The following BET1 variants were observed in gnomAD, a reference collection of about 807,000 sequenced individuals.
BET1 encodes the protein BET1 homolog.
Under a neutral mutation model 13.9 loss-of-function variants are expected in BET1, and 9 were observed. That is an observed-to-expected ratio of 0.65 (90% CI 0.39 to 1.13). The LOEUF is 1.13. Among genes scored for constraint, BET1 ranks in the 50% most tolerant of loss-of-function variants. BET1 has a pLI of 0.01. For synonymous variants in BET1, 39 were observed against 47.3 expected (o/e 0.82, Z 0.72); for missense variants, 127 against 133.6 (o/e 0.95, Z 0.24).
chr7:94,002,458 T>TAA (rs79526205), intron 1 of BET1, among the ~76,000 whole-genome samples: 2 of 128,074 alleles, frequency 1.6e-5, no homozygotes, highest in Non-Finnish European at 3.2e-5. Context: ...AGCTTTTTTT[T>TAA]AAAAAAAAAA....
chr7:93,994,499 G>A (rs1446668833), intron 3 of BET1, 114 bp from the exon 4 acceptor site: 5 of 1,183,922 alleles, frequency 4.2e-6, no homozygotes, highest in Non-Finnish European at 5.7e-6. Flanking sequence ...ACAGTTTTGT[G>A]TTTAATCAAT....
At chr7:93,989,211 A>G (rs1042730316), downstream of BET1, among the ~76,000 whole-genome samples, 4 of 151,750 alleles carry the variant, frequency 2.6e-5, no homozygotes, top group African/African-American at 9.7e-5. Context: ...ACGGGGTTTC[A>G]TCATGTTGGC....
At chr7:93,977,245 G>A (rs1481739705) in intron 4 of BET1, among the ~76,000 whole-genome samples, 3 of 152,072 alleles carry the variant, frequency 2.0e-5, no homozygotes, top group Non-Finnish European at 2.9e-5. Context: ...CAGATTACTT[G>A]AGGCCAGGAG....
intron 1 of BET1, among the ~76,000 whole-genome samples, chr7:94,000,589 C>A (rs1795879369): frequency 6.6e-6 from 1 of 152,022 alleles, no homozygotes; most frequent in Admixed American, 6.5e-5. Flanking sequence ...CTTCAATCGT[C>A]CCAGGTGTGT....
In BET1 at chr7:93,976,045, T is replaced by C. The variant is rs756829143; in HGVS notation, c.291A>G (p.Leu97=). ...ACAAATGCTGAGGAACAGTCAAAAT[T>C]AGCAGAAGTAGGCTTTCACTGCTAC... Residue 97 remains leucine, a synonymous_variant and NMD_transcript_variant, in exon 5 of 7, where the codon CTA becomes CTG. Transcript: ENST00000357520. The C allele has an allele frequency of 8.6e-6, 11 of 1,278,920 alleles. No homozygotes were observed. The South Asian group carries it at 1.4e-4, about 16-fold the overall frequency. The allele number at this position is 1,278,920 out of a possible 1,614,324, so 79.2% of individuals were successfully genotyped here. A position where few individuals can be genotyped will look rare whatever the true frequency, so the allele number is the denominator to read the frequency against.
chr7:93,991,368 A>T (rs1795630340), downstream of BET1, among the ~76,000 whole-genome samples: 1 of 152,166 alleles, frequency 6.6e-6, no homozygotes, highest in Admixed American at 6.5e-5. Flanking sequence ...TAAGTAAGAG[A>T]TTCTCATTTG....
intron 1 of BET1, chr7:93,999,572 A>G: frequency 2.2e-6 from 1 of 463,288 alleles, no homozygotes; most frequent in Non-Finnish European, 4.2e-6. Context: ...AATAGGTACT[A>G]ATACACAAGA....
chr7:93,981,471 A>C (rs1213622625), intron 4 of BET1, among the ~76,000 whole-genome samples: 1 of 152,218 alleles, frequency 6.6e-6, no homozygotes, highest in Non-Finnish European at 1.5e-5. Flanking sequence ...ACTTCCTGAA[A>C]AACAAAGCCT....
chr7:93,997,817 GAATAT>G (rs1269788095), intron 2 of BET1, among the ~76,000 whole-genome samples: 14 of 152,248 alleles, frequency 9.2e-5, no homozygotes, highest in Middle Eastern at 3.4e-3. Context: ...GTGCTATATA[GAATAT>G]AAAGTAAGTA....
intron 2 of BET1, among the ~76,000 whole-genome samples, chr7:93,998,848 G>C (rs558268658): frequency 1.7e-3 from 234 of 138,340 alleles, no homozygotes; most frequent in Non-Finnish European, 3.2e-3. Flanking sequence ...AGCTTAGAAG[G>C]CTAGATTAAA....
chr7:93,992,451 T>C (rs1306844691), downstream of BET1: 3 of 985,266 alleles, frequency 3.0e-6, no homozygotes, highest in Admixed American at 6.1e-5. Context: ...TTTAAGTCAT[T>C]TTCTTTGGCC....
intron 1 of BET1, 106 bp from the exon 2 acceptor site, chr7:93,999,400 T>C: frequency 4.4e-6 from 6 of 1,365,360 alleles, no homozygotes; most frequent in Non-Finnish European, 5.9e-6. Flanking sequence ...GCAAACCACA[T>C]ATGTCTCTAA....
In BET1 at chr7:93,999,250, T is replaced by G; in HGVS notation, c.64A>C (p.Asn22His). Residue 22 changes from asparagine (N) to histidine (H), a missense_variant, in exon 2 of 4, where the codon AAT becomes CAT. Physicochemically the swap from Asn to His is moderately conservative, Grantham distance 68. Transcript: ENST00000222547. ...PGNYGNYGYA[N>H]SGYSACEEEN... ...TCTTCACAGGCACTATACCCACTAT[T>G]AGCATAGCCATAGTTCCCATAGTTG... The G allele has an allele frequency of 6.2e-7, 1 of 1,613,284 alleles. No homozygotes were observed. The highest frequency in any genetic ancestry group is 8.5e-7 in the Non-Finnish European group (1 of 1,179,458).
intron 4 of BET1, among the ~76,000 whole-genome samples, chr7:93,986,970 T>A (rs1404603416): frequency 6.6e-6 from 1 of 152,114 alleles, no homozygotes; most frequent in Non-Finnish European, 1.5e-5. Context: ...CCTCATAGCC[T>A]AAGTGTACAG....
intron 4 of BET1, among the ~76,000 whole-genome samples, chr7:93,988,024 T>C (rs1208415838): frequency 6.6e-6 from 1 of 152,242 alleles, no homozygotes; most frequent in Non-Finnish European, 1.5e-5. Flanking sequence ...AAACTTGGTA[T>C]GTTATTAATC....
downstream of BET1, among the ~76,000 whole-genome samples, chr7:93,988,444 T>C (rs536865614): frequency 1.3e-5 from 2 of 152,196 alleles, no homozygotes; most frequent in Non-Finnish European, 2.9e-5. Context: ...GATGGATGTA[T>C]GTGTATAACC....
At chr7:93,996,359 A>G (rs761732419) in intron 2 of BET1, 38 bp from the exon 3 acceptor site, 12 of 1,392,278 alleles carry the variant, frequency 8.6e-6, no homozygotes, top group Non-Finnish European at 1.2e-5. Flanking sequence ...TACTCACATA[A>G]AAGTATTCAA....
chr7:93,997,321 C>T (rs1016980520), intron 2 of BET1, among the ~76,000 whole-genome samples: 2 of 152,182 alleles, frequency 1.3e-5, no homozygotes, highest in Non-Finnish European at 2.9e-5. Context: ...TTTAACAACT[C>T]AGAGATAATA....
chr7:93,977,137 G>A (rs1474542435), intron 4 of BET1, among the ~76,000 whole-genome samples: 3 of 151,954 alleles, frequency 2.0e-5, no homozygotes, highest in Non-Finnish European at 2.9e-5. Context: ...ATGAAGTTTC[G>A]TCTACTGTGC....
Sources: allele counts gnomAD v4.1 joint callset (sites outside exome capture counted in the v4.1 genomes callset), GRCh38; gene constraint gnomAD v4.1.1; transcripts MANE v1.5; gene names NCBI Gene and HGNC (gene_info 2026-07-23, HGNC 2026-07-21).